The following GATAD2A variants were observed in gnomAD, a reference collection of about 807,000 sequenced individuals.
GATAD2A encodes transcriptional repressor p66-alpha.
GATAD2A carries 12 observed loss-of-function variants against 68.5 expected under a neutral mutation model. The ratio of observed to expected loss-of-function variants is 0.18; its 90% CI spans 0.11 to 0.28. GATAD2A has a LOEUF of 0.28. Among genes scored for constraint, GATAD2A ranks in the 10% least tolerant of loss-of-function variants. The pLI, the probability that GATAD2A is intolerant of heterozygous loss-of-function variation, is 1.00. For missense variants in GATAD2A, 755 were observed against 868.5 expected, an observed-to-expected ratio of 0.87 and a Z score of 1.64; for synonymous variants, 410 against 375.3, an observed-to-expected ratio of 1.09 and a Z score of -1.07.
chr19:19,392,830 A>G (rs1385206615), intron 1 of GATAD2A, among the ~76,000 whole-genome samples: 1 of 151,438 alleles, frequency 6.6e-6, no homozygotes, highest in Non-Finnish European at 1.5e-5. Flanking sequence ...CCCAGTAGCT[A>G]GGATTACAAG....
At chr19:19,473,256 C>T (rs1238301325) in intron 2 of GATAD2A, among the ~76,000 whole-genome samples, 1 of 152,166 alleles carries the variant, frequency 6.6e-6, no homozygotes, top group Non-Finnish European at 1.5e-5. Context: ...GCCCCATGGT[C>T]TGGACGGGGC....
At position 19,399,245 on chromosome 19, in the gene GATAD2A, CT is replaced by C. The variant is rs79556962; in HGVS notation, c.-7+13121del. On this transcript the variant is annotated intron_variant, in intron 1 of 11. Coordinates refer to the GATAD2A transcript ENST00000360315. ...TCTCAAACAAACAAACAAAAACCTA[CT>C]TTTTTTTTTTTTTGAGACAGGGTCT... Among the ~76,000 whole-genome samples the C allele has an allele frequency of 2.9e-3, 424 of 145,136 alleles. 1 individual carries two copies. Among genetic ancestry groups the C allele is most frequent in the Admixed American group, 3.7e-3 (54 of 14,526 alleles).
intron 1 of GATAD2A, chr19:19,441,568 T>G (rs771886734): frequency 2.6e-5 from 4 of 155,760 alleles, no homozygotes; most frequent in Non-Finnish European, 5.7e-5. Context: ...TTTTTGTTTT[T>G]GTTTTTGTTT....
chr19:19,440,693 A>G (rs1052263922), intron 1 of GATAD2A, among the ~76,000 whole-genome samples: 2 of 152,218 alleles, frequency 1.3e-5, no homozygotes, highest in South Asian at 4.1e-4. Flanking sequence ...ATTATAAAAC[A>G]AAAGCCAAGT....
chr19:19,454,873 C>T (rs1328643233), intron 1 of GATAD2A, among the ~76,000 whole-genome samples: 2 of 152,108 alleles, frequency 1.3e-5, no homozygotes, highest in East Asian at 1.9e-4. Context: ...ACAAATGTTG[C>T]GATGGTTGCG....
intron 1 of GATAD2A, among the ~76,000 whole-genome samples, chr19:19,440,894 TTTCCTTCC>T (rs1025261393): frequency 2.0e-5 from 3 of 152,076 alleles, no homozygotes; most frequent in African/African-American, 7.2e-5. Flanking sequence ...TATTTCCTTC[TTTCCTTCC>T]CTTCCTTTCC....
At chr19:19,470,712 A>G (rs942367116) in intron 2 of GATAD2A, among the ~76,000 whole-genome samples, 1 of 152,138 alleles carries the variant, frequency 6.6e-6, no homozygotes, top group East Asian at 1.9e-4. Context: ...TTGATCATAC[A>G]TTGGACCATA....
At chr19:19,388,301 CCGGCCT>C (rs749273350) in intron 1 of GATAD2A, among the ~76,000 whole-genome samples, 33 of 152,240 alleles carry the variant, frequency 2.2e-4, no homozygotes, top group Non-Finnish European at 2.4e-4. Flanking sequence ...AGGTGATCCG[CCGGCCT>C]CGGCCTCCCA....
intron 1 of GATAD2A, chr19:19,458,396 C>T (rs1383800021): frequency 6.6e-6 from 1 of 152,198 alleles, no homozygotes; most frequent in African/African-American, 2.4e-5. Context: ...TCCTCTTTGC[C>T]CTGTAGGGCA....
At chr19:19,405,018 C>T (rs554738816), upstream of GATAD2A, among the ~76,000 whole-genome samples, 1 of 152,254 alleles carries the variant, frequency 6.6e-6, no homozygotes, top group African/African-American at 2.4e-5. Context: ...CATTCTGTCT[C>T]CTGTGTTTCC....
chr19:19,440,174 A>G (rs576041199), intron 1 of GATAD2A: 9 of 416,582 alleles, frequency 2.2e-5, no homozygotes, highest in East Asian at 1.1e-4. Context: ...AAAAAGAACA[A>G]TGTAAAGGAA....
intron 2 of GATAD2A, among the ~76,000 whole-genome samples, chr19:19,476,788 G>A (rs560204623): frequency 6.6e-6 from 1 of 152,332 alleles, no homozygotes; most frequent in Admixed American, 6.5e-5. Flanking sequence ...GGACAGGCAG[G>A]CGTCACACCC....
At chr19:19,408,989 T>C (rs1037559727) in intron 1 of GATAD2A, among the ~76,000 whole-genome samples, 20 of 150,604 alleles carry the variant, frequency 1.3e-4, no homozygotes, top group South Asian at 6.3e-4. Flanking sequence ...CTGGTAAAGT[T>C]GTAAAGCCAT....
chr19:19,412,016 ATTGT>A (rs907652463), intron 1 of GATAD2A, among the ~76,000 whole-genome samples: 6 of 150,320 alleles, frequency 4.0e-5, no homozygotes, highest in East Asian at 2.0e-4. Flanking sequence ...AGGCAGGCTG[ATTGT>A]TTGAGCCCAG....
At chr19:19,499,448 G>A (rs543638040) in intron 8 of GATAD2A, among the ~76,000 whole-genome samples, 1 of 152,270 alleles carries the variant, frequency 6.6e-6, no homozygotes, top group Non-Finnish European at 1.5e-5. Flanking sequence ...GGGGCCCAGG[G>A]CAGGGGCAGG....
At chr19:19,438,463 G>T (rs1245312525) in intron 1 of GATAD2A, among the ~76,000 whole-genome samples, 1 of 152,234 alleles carries the variant, frequency 6.6e-6, no homozygotes, top group Admixed American at 6.5e-5. Context: ...AGGGAAGTGA[G>T]TGACTGCCTC....
intron 1 of GATAD2A, among the ~76,000 whole-genome samples, chr19:19,390,581 T>C (rs2048774029): frequency 2.0e-5 from 3 of 152,180 alleles, no homozygotes; most frequent in Admixed American, 6.5e-5. Flanking sequence ...CTCTTGGCCT[T>C]GGTGTCTCCC....
intron 2 of GATAD2A, among the ~76,000 whole-genome samples, chr19:19,467,420 T>G (rs2057958562): frequency 6.6e-6 from 1 of 152,166 alleles, no homozygotes; most frequent in Admixed American, 6.5e-5. Flanking sequence ...CCCCTCATGC[T>G]TGCTTGCTGC....
intron 1 of GATAD2A, among the ~76,000 whole-genome samples, chr19:19,406,451 CGCGGCGGCGGCGGCG>C (rs535696257): frequency 8.8e-5 from 13 of 147,090 alleles, no homozygotes; most frequent in Admixed American, 5.4e-4. Flanking sequence ...CGCTGAACCC[CGCGGCGGCGGCGGCG>C]GCGGCGGCGG....
Sources: gnomAD v4.1 joint callset for allele counts (sites outside exome capture counted in the v4.1 genomes callset) on GRCh38, gnomAD v4.1.1 for gene constraint, MANE v1.5 for transcripts, NCBI Gene and HGNC (gene_info 2026-07-23, HGNC 2026-07-21) for gene names.